Variants in GALNTL6 observed in about 807,000 individuals in gnomAD.
GALNTL6 encodes the protein polypeptide N-acetylgalactosaminyltransferase like 6.
In GALNTL6, 46 loss-of-function variants were observed where a neutral mutation model predicts 73.7. That is an observed-to-expected ratio of 0.62 (90% CI 0.49 to 0.80). The LOEUF is 0.80. Ranked by LOEUF, GALNTL6 falls within the 30% of genes least tolerant of loss-of-function variation. The pLI, the probability that GALNTL6 is intolerant of heterozygous loss-of-function variation, is 0.00. For missense variants in GALNTL6, 604 were observed against 755.0 expected (o/e 0.80, Z 2.34); for synonymous variants, 259 against 263.7 (o/e 0.98, Z 0.17).
chr4:172,014,933 T>A (rs1235076962), intron 2 of GALNTL6, among the ~76,000 whole-genome samples: 1 of 152,110 alleles, frequency 6.6e-6, no homozygotes, highest in African/African-American at 2.4e-5. Flanking sequence ...TAATTTTGAC[T>A]TTTGCAGAAA....
chr4:172,320,220 C>T (rs1051483962), intron 4 of GALNTL6, among the ~76,000 whole-genome samples: 1 of 151,920 alleles, frequency 6.6e-6, no homozygotes, highest in Non-Finnish European at 1.5e-5. Flanking sequence ...TGTACTTTGC[C>T]CAGTTTGTGA....
intron 8 of GALNTL6, among the ~76,000 whole-genome samples, chr4:172,920,740 C>G (rs1244807257): frequency 6.6e-6 from 1 of 152,128 alleles, no homozygotes; most frequent in Non-Finnish European, 1.5e-5. Context: ...TTAATGGCAG[C>G]TAGCTACAGA....
intron 10 of GALNTL6, among the ~76,000 whole-genome samples, chr4:172,960,233 C>T (rs983532574): frequency 1.9e-4 from 29 of 152,228 alleles, no homozygotes; most frequent in African/African-American, 4.6e-4. Context: ...AGAGCCTAAA[C>T]GCTAACTGAT....
chr4:172,709,792 T>C lies in GALNTL6; in HGVS notation c.554-99569T>C, dbSNP rs374969640. ...ATGTTAAAAAATTGAGACAATAGGG[T>C]GTTTTGAAAACTGAACAGTCAACCA... On this transcript the variant is annotated intron_variant, in intron 5 of 12. Coordinates refer to ENST00000506823, the MANE Select transcript of GALNTL6 (RefSeq NM_001034845.3). Among the ~76,000 whole-genome samples the C allele has an allele frequency of 2.0e-5, 3 of 152,222 alleles. No individual in the cohort carries two copies. The East Asian group carries it at 5.8e-4, about 29-fold the overall frequency.
intron 2 of GALNTL6, among the ~76,000 whole-genome samples, chr4:171,916,058 A>G (rs1162141017): frequency 6.6e-6 from 1 of 152,268 alleles, no homozygotes; most frequent in African/African-American, 2.4e-5. Context: ...AGAGGCATTA[A>G]CAAGCACTAT....
At chr4:171,851,154 G>C (rs556694415) in intron 2 of GALNTL6, among the ~76,000 whole-genome samples, 43 of 152,102 alleles carry the variant, frequency 2.8e-4, no homozygotes, top group African/African-American at 9.6e-4. Flanking sequence ...ATTTCTCTTT[G>C]ATCCTCAAAG....
At chr4:172,646,830 G>A (rs760668141) in intron 5 of GALNTL6, among the ~76,000 whole-genome samples, 1 of 151,872 alleles carries the variant, frequency 6.6e-6, no homozygotes, top group African/African-American at 2.4e-5. Flanking sequence ...ATATTTAGGA[G>A]CTCAAATTAC....
intron 5 of GALNTL6, among the ~76,000 whole-genome samples, chr4:172,401,728 TA>T (rs1298131915): frequency 2.6e-5 from 4 of 152,140 alleles, no homozygotes; most frequent in African/African-American, 9.6e-5. Flanking sequence ...CATTTGTGGC[TA>T]AATTAAATTA....
chr4:171,960,729 C>A, intron 2 of GALNTL6, among the ~76,000 whole-genome samples: 1 of 144,698 alleles, frequency 6.9e-6, no homozygotes, highest in African/African-American at 2.6e-5. Context: ...TGTATACCAG[C>A]AGGATTTTTA....
intron 2 of GALNTL6, among the ~76,000 whole-genome samples, chr4:172,200,274 G>T (rs899382130): frequency 2.6e-5 from 4 of 152,066 alleles, no homozygotes; most frequent in Non-Finnish European, 5.9e-5. Flanking sequence ...TTTTTCCCTT[G>T]TTAAAATACT....
At chr4:172,656,705 T>G (rs1268436200) in intron 5 of GALNTL6, among the ~76,000 whole-genome samples, 1 of 152,230 alleles carries the variant, frequency 6.6e-6, no homozygotes, top group Non-Finnish European at 1.5e-5. Context: ...AAGAGATGGC[T>G]GAAGGTCAAT....
Position 172,418,023 on chromosome 4 carries a change from A to C in GALNTL6, c.553+69334A>C, listed in dbSNP as rs186106704. On this transcript the variant is annotated intron_variant, in intron 5 of 12. Coordinates refer to ENST00000506823, the MANE Select transcript of GALNTL6 (RefSeq NM_001034845.3). ...CAGCAGCTTCACCCCACTAAGCGTC[A>C]TTAATCCTTCTGTGCTGAACATTTT... Among the ~76,000 whole-genome samples the C allele has an allele frequency of 2.0e-5, 3 of 152,276 alleles. No individual in the cohort carries two copies. The East Asian group carries it at 5.8e-4, about 29-fold the overall frequency.
At chr4:172,574,040 C>G (rs893227489) in intron 5 of GALNTL6, among the ~76,000 whole-genome samples, 1 of 152,064 alleles carries the variant, frequency 6.6e-6, no homozygotes. Flanking sequence ...CAACCCTAAC[C>G]GCAACTGGCT....
chr4:172,336,545 G>T (rs1741334067), intron 4 of GALNTL6, among the ~76,000 whole-genome samples: 1 of 151,852 alleles, frequency 6.6e-6, no homozygotes, highest in South Asian at 2.1e-4. Context: ...AAAGTGCTGG[G>T]ATTACAGACA....
rs368710961 is a variant in GALNTL6, at chr4:172,318,931, G to A, written c.386+7179G>A. ...GGATCAAATAAATAAAACTGAAAGC[G>A]TAGGTTTGAGCAATAGATTCATAAT... On this transcript the variant is annotated intron_variant, in intron 4 of 12. Coordinates refer to ENST00000506823, the MANE Select transcript of GALNTL6 (RefSeq NM_001034845.3). Among the ~76,000 whole-genome samples the A allele has an allele frequency of 4.6e-5, 7 of 152,124 alleles. 1 individual carries two copies. Among genetic ancestry groups the A allele is most frequent in the East Asian group, 1.9e-4 (1 of 5,180 alleles).
At chr4:171,942,512 A>G (rs1040362576) in intron 2 of GALNTL6, among the ~76,000 whole-genome samples, 2 of 152,224 alleles carry the variant, frequency 1.3e-5, no homozygotes, top group African/African-American at 4.8e-5. Context: ...TATGTAGGCT[A>G]GATTTCCTTG....
chr4:171,852,512 C>T (rs191600379), intron 2 of GALNTL6, among the ~76,000 whole-genome samples: 2 of 96,210 alleles, frequency 2.1e-5, no homozygotes, highest in African/African-American at 5.6e-5. Context: ...TAAATATTAG[C>T]TTTCTTTATA....
At chr4:172,309,895 T>A (rs1282722243) in intron 3 of GALNTL6, among the ~76,000 whole-genome samples, 1 of 151,984 alleles carries the variant, frequency 6.6e-6, no homozygotes, top group East Asian at 1.9e-4. Flanking sequence ...AAAAATTGCA[T>A]AGGACTAAAA....
chr4:171,866,835 T>A (rs1299917432), intron 2 of GALNTL6, among the ~76,000 whole-genome samples: 3 of 152,096 alleles, frequency 2.0e-5, no homozygotes, highest in Non-Finnish European at 4.4e-5. Flanking sequence ...GGAGGGCCAT[T>A]CTTATGGCCT....
Sources: allele counts gnomAD v4.1 joint callset (sites outside exome capture counted in the v4.1 genomes callset), GRCh38; gene constraint gnomAD v4.1.1; transcripts MANE v1.5; gene names NCBI Gene and HGNC (gene_info 2026-07-23, HGNC 2026-07-21).